ST3GAL3: variants seen among roughly 807,000 people sequenced by gnomAD.
The protein encoded by ST3GAL3 is CMP-N-acetylneuraminate-beta-1,4-galactoside alpha-2,3-sialyltransferase.
Under a neutral mutation model 50.1 loss-of-function variants are expected in ST3GAL3, and 21 were observed. The observed-to-expected ratio is 0.42, with a 90% confidence interval of 0.30 to 0.60. The LOEUF (loss-of-function observed/expected upper bound fraction) is 0.60. Ranked by LOEUF, ST3GAL3 falls within the 20% of genes least tolerant of loss-of-function variation. ST3GAL3 has a pLI of 0.19. For missense variants in ST3GAL3, 353 were observed against 489.4 expected (o/e 0.72, Z 2.63); for synonymous variants, 183 against 190.0 (o/e 0.96, Z 0.30).
chr1:43,755,589 C>T (rs1236655998), intron 2 of ST3GAL3, among the ~76,000 whole-genome samples: 1 of 151,844 alleles, frequency 6.6e-6, no homozygotes, highest in Non-Finnish European at 1.5e-5. Context: ...GGTGGGGGTT[C>T]AGTAGGCAAA....
chr1:43,763,658 A>T (rs1249712361), intron 2 of ST3GAL3, among the ~76,000 whole-genome samples: 5 of 152,204 alleles, frequency 3.3e-5, no homozygotes. Context: ...CACAGGACAG[A>T]TTAGCGCTGG....
In ST3GAL3 at chr1:43,814,941, G is replaced by C; in HGVS notation, c.209+8G>C. 6.2e-7 allele frequency: 1 copy of C among 1,614,010 alleles called. No individual in the cohort carries two copies. The highest frequency in any genetic ancestry group is 8.5e-7 in the Non-Finnish European group (1 of 1,179,902). Reference sequence around the variant, plus strand: ...GAATCTGGACTCTAAACTGTGAGTAGAATGAGAAGATACCTTGGCTCTGTG... The same window carrying C: ...GAATCTGGACTCTAAACTGTGAGTACAATGAGAAGATACCTTGGCTCTGTG... On this transcript the variant is annotated splice_region_variant and intron_variant, in intron 4 of 11. Coordinates refer to ENST00000347631, the MANE Select transcript of ST3GAL3 (RefSeq NM_006279.5).
At chr1:43,744,924 G>A (rs1050982686) in intron 2 of ST3GAL3, among the ~76,000 whole-genome samples, 1 of 151,988 alleles carries the variant, frequency 6.6e-6, no homozygotes, top group Admixed American at 6.6e-5. Context: ...TCGGGAGACA[G>A]AGGTTGCAGT....
chr1:43,801,632 ATT>A (rs11400892), intron 3 of ST3GAL3: 6,745 of 214,366 alleles, frequency 0.031, 2 homozygotes, highest in East Asian at 0.083. Flanking sequence ...AACATTTGTG[ATT>A]TTTTTTTTTT....
At chr1:43,884,824 G>A (rs1284325595) in intron 5 of ST3GAL3, among the ~76,000 whole-genome samples, 1 of 152,166 alleles carries the variant, frequency 6.6e-6, no homozygotes, top group African/African-American at 2.4e-5. Context: ...ATGTCAAGCT[G>A]AAGCCATCTG....
intron 9 of ST3GAL3, among the ~76,000 whole-genome samples, chr1:43,906,961 TC>T (rs1450023643): frequency 2.0e-5 from 3 of 152,272 alleles, no homozygotes; most frequent in Non-Finnish European, 4.4e-5. Flanking sequence ...TCAGGGATCT[TC>T]CTAAGAAATA....
intron 3 of ST3GAL3, among the ~76,000 whole-genome samples, chr1:43,799,915 T>G (rs1230006787): frequency 6.6e-6 from 1 of 152,188 alleles, no homozygotes; most frequent in African/African-American, 2.4e-5. Flanking sequence ...TTAAATTCAC[T>G]GCAGTACTCA....
intron 9 of ST3GAL3, among the ~76,000 whole-genome samples, chr1:43,917,669 T>TTA (rs56284215): frequency 0.013 from 1,166 of 91,102 alleles, 36 homozygotes; most frequent in African/African-American, 0.049. Context: ...ATAATATATA[T>TTA]TATATATATA....
chr1:43,804,050 G>A (rs2059611805), intron 3 of ST3GAL3, among the ~76,000 whole-genome samples: 1 of 152,186 alleles, frequency 6.6e-6, no homozygotes, highest in Non-Finnish European at 1.5e-5. Flanking sequence ...AGTGCATATT[G>A]TGCCTGGCTG....
chr1:43,719,311 A>G (rs1418344408), intron 1 of ST3GAL3, among the ~76,000 whole-genome samples: 1 of 142,692 alleles, frequency 7.0e-6, no homozygotes, highest in Non-Finnish European at 1.6e-5. Context: ...CAAAACTACC[A>G]TGAGATGCTA....
intron 9 of ST3GAL3, among the ~76,000 whole-genome samples, chr1:43,905,829 ACT>A (rs1196175002): frequency 3.9e-5 from 3 of 76,782 alleles, no homozygotes; most frequent in African/African-American, 1.6e-4. Flanking sequence ...TCTTCCTACC[ACT>A]CTTCTTTCTC....
intron 6 of ST3GAL3, among the ~76,000 whole-genome samples, chr1:43,895,253 T>G (rs967546101): frequency 6.6e-6 from 1 of 152,132 alleles, no homozygotes; most frequent in Non-Finnish European, 1.5e-5. Flanking sequence ...CCCTTCCTTA[T>G]CCTGTCCAAG....
rs571017750 is a variant in ST3GAL3, at chr1:43,741,578, A to G, written c.118+5198A>G. Among the ~76,000 whole-genome samples the G allele has an allele frequency of 4.6e-5, 7 of 152,344 alleles. No homozygotes were observed. The South Asian group carries it at 1.4e-3, about 32-fold the overall frequency. On this transcript the variant is annotated intron_variant, in intron 2 of 11. Coordinates refer to ENST00000347631, the MANE Select transcript of ST3GAL3 (RefSeq NM_006279.5). Reference sequence around the variant, plus strand: ...GAGTTTAATAGACGTAGGACATTGTATTAACTCTTAGTTTTCTGTCTTAAA... The same window carrying G: ...GAGTTTAATAGACGTAGGACATTGTGTTAACTCTTAGTTTTCTGTCTTAAA...
intron 2 of ST3GAL3, among the ~76,000 whole-genome samples, chr1:43,784,377 C>G (rs1384852088): frequency 6.6e-5 from 10 of 152,124 alleles, no homozygotes; most frequent in Admixed American, 5.9e-4. Context: ...AGTGTGGTGG[C>G]ACATGCCTGT....
At chr1:43,803,136 G>A (rs2059496022) in intron 3 of ST3GAL3, among the ~76,000 whole-genome samples, 1 of 152,132 alleles carries the variant, frequency 6.6e-6, no homozygotes, top group African/African-American at 2.4e-5. Context: ...GTATTGGCCA[G>A]GCTGGTCTTG....
intron 2 of ST3GAL3, among the ~76,000 whole-genome samples, chr1:43,767,365 C>A (rs1693471947): frequency 6.6e-6 from 1 of 151,966 alleles, no homozygotes; most frequent in Non-Finnish European, 1.5e-5. Context: ...ACTCCCTGGG[C>A]AGGTAGGTAA....
chr1:43,764,404 G>C (rs910027434), intron 2 of ST3GAL3, among the ~76,000 whole-genome samples: 1 of 152,092 alleles, frequency 6.6e-6, no homozygotes, highest in Non-Finnish European at 1.5e-5. Flanking sequence ...TAATGAGGTA[G>C]AGTCGCGCAA....
chr1:43,859,160 G>A (rs1257641921), intron 5 of ST3GAL3, among the ~76,000 whole-genome samples: 1 of 152,168 alleles, frequency 6.6e-6, no homozygotes, highest in African/African-American at 2.4e-5. Context: ...CCTGGTCAGG[G>A]AAACACACAC....
chr1:43,745,120 A>G (rs1188431693), intron 2 of ST3GAL3, among the ~76,000 whole-genome samples: 1 of 152,360 alleles, frequency 6.6e-6, no homozygotes, highest in Admixed American at 6.5e-5. Context: ...TACAGGAAAG[A>G]TGAAGACCAC....
Sources: gnomAD v4.1 joint callset for allele counts (sites outside exome capture counted in the v4.1 genomes callset) on GRCh38, gnomAD v4.1.1 for gene constraint, MANE v1.5 for transcripts, NCBI Gene and HGNC (gene_info 2026-07-23, HGNC 2026-07-21) for gene names.